The following NRG3 variants were observed in gnomAD, a reference collection of about 807,000 sequenced individuals.
The protein encoded by NRG3 is pro-neuregulin-3, membrane-bound isoform.
A neutral mutation model predicts 66.9 loss-of-function variants in NRG3; 31 were observed. The ratio of observed to expected loss-of-function variants is 0.46; its 90% CI spans 0.35 to 0.63. The LOEUF is 0.63. NRG3 is among the 20% of genes least tolerant of loss of function. The probability of loss-of-function intolerance (pLI) is 0.00; values close to 1 mark genes in which losing one functional copy is unlikely to be tolerated. For synonymous variants in NRG3, 393 were observed against 359.4 expected (o/e 1.09, Z -1.06); for missense variants, 910 against 878.9 (o/e 1.04, Z -0.45).
chr10:82,053,433 G>T (rs2063693218), intron 1 of NRG3, among the ~76,000 whole-genome samples: 1 of 152,158 alleles, frequency 6.6e-6, no homozygotes, highest in Non-Finnish European at 1.5e-5. Context: ...GAAGATAAGA[G>T]CAGAAAGAGA....
chr10:82,319,041 G>A (rs1412063249), intron 1 of NRG3, among the ~76,000 whole-genome samples: 2 of 152,186 alleles, frequency 1.3e-5, no homozygotes, highest in African/African-American at 2.4e-5. Flanking sequence ...GTGTATATTG[G>A]TGTGAGAACA....
intron 2 of NRG3, among the ~76,000 whole-genome samples, chr10:82,640,777 A>G (rs1310507788): frequency 6.6e-6 from 1 of 152,176 alleles, no homozygotes; most frequent in Non-Finnish European, 1.5e-5. Flanking sequence ...TAATTCATTA[A>G]GCTCTACTTC....
At chr10:82,722,543 T>G (rs1205467252) in intron 2 of NRG3, among the ~76,000 whole-genome samples, 4 of 152,140 alleles carry the variant, frequency 2.6e-5, no homozygotes, top group African/African-American at 9.7e-5. Flanking sequence ...GTGGTCATAA[T>G]GAAAAGCAAT....
chr10:82,052,673 C>G (rs1451739294), intron 1 of NRG3, among the ~76,000 whole-genome samples: 1 of 152,086 alleles, frequency 6.6e-6, no homozygotes, highest in Non-Finnish European at 1.5e-5. Context: ...TAACAAGAAA[C>G]TAATAGCGTG....
intron 4 of NRG3, among the ~76,000 whole-genome samples, chr10:82,892,212 C>T (rs1843215172): frequency 6.6e-6 from 1 of 151,506 alleles, no homozygotes; most frequent in Non-Finnish European, 1.5e-5. Context: ...CTTATTTTAC[C>T]ATGAGGAAAT....
intron 2 of NRG3, among the ~76,000 whole-genome samples, chr10:82,715,064 A>T (rs540249376): frequency 2.0e-5 from 3 of 152,100 alleles, no homozygotes; most frequent in South Asian, 2.1e-4. Flanking sequence ...AATAGACTAA[A>T]TTTTTTTTAG....
At chr10:82,359,189 A>G (rs2083967158) in intron 2 of NRG3, among the ~76,000 whole-genome samples, 1 of 152,224 alleles carries the variant, frequency 6.6e-6, no homozygotes, top group African/African-American at 2.4e-5. Context: ...GAGCTTAGGC[A>G]TATATCCTAG....
chr10:82,411,640 C>G (rs2088099666), intron 2 of NRG3, among the ~76,000 whole-genome samples: 1 of 152,132 alleles, frequency 6.6e-6, no homozygotes, highest in Non-Finnish European at 1.5e-5. Flanking sequence ...CTTAAGCTCT[C>G]AGACATTTGA....
intron 1 of NRG3, among the ~76,000 whole-genome samples, chr10:82,339,283 T>C (rs970820994): frequency 2.0e-5 from 3 of 152,184 alleles, no homozygotes; most frequent in Non-Finnish European, 4.4e-5. Context: ...CTCACACAGT[T>C]ATGAAGAAAT....
intron 1 of NRG3, among the ~76,000 whole-genome samples, chr10:81,976,645 A>C (rs181294266): frequency 6.6e-6 from 1 of 152,314 alleles, no homozygotes; most frequent in Admixed American, 6.5e-5. Flanking sequence ...AGTGCAGAAT[A>C]AAATAGAGCA....
At chr10:82,237,892 T>A (rs1258175815) in intron 1 of NRG3, among the ~76,000 whole-genome samples, 1 of 152,274 alleles carries the variant, frequency 6.6e-6, no homozygotes, top group Non-Finnish European at 1.5e-5. Flanking sequence ...ACATTTTAAT[T>A]GTCAAAGAGC....
intron 4 of NRG3, among the ~76,000 whole-genome samples, chr10:82,899,819 G>A (rs1371818584): frequency 6.6e-6 from 1 of 152,152 alleles, no homozygotes; most frequent in African/African-American, 2.4e-5. Context: ...TAATAGGCAG[G>A]TCTGCTCTAA....
intron 2 of NRG3, among the ~76,000 whole-genome samples, chr10:82,565,523 T>C (rs2045343197): frequency 6.6e-6 from 1 of 152,060 alleles, no homozygotes; most frequent in African/African-American, 2.4e-5. Flanking sequence ...ACAGACAGAT[T>C]TTGATAGATA....
At chr10:81,942,248 C>T (rs376007526) in intron 1 of NRG3, among the ~76,000 whole-genome samples, 23 of 152,074 alleles carry the variant, frequency 1.5e-4, no homozygotes, top group African/African-American at 5.1e-4. Flanking sequence ...AATGCGACTG[C>T]GTTTTAGTGC....
chr10:82,289,440 C>T (rs1053013911), intron 1 of NRG3, among the ~76,000 whole-genome samples: 15 of 149,204 alleles, frequency 1.0e-4, no homozygotes, highest in African/African-American at 3.6e-4. Context: ...AGTATATAAA[C>T]AAGAATTCAA....
intron 1 of NRG3, among the ~76,000 whole-genome samples, chr10:82,044,901 A>AT (rs1322005891): frequency 1.3e-5 from 2 of 151,694 alleles, no homozygotes; most frequent in African/African-American, 2.4e-5. Flanking sequence ...TGAACTCATC[A>AT]TTTTTTATGG....
chr10:82,838,298 A>G (rs2062879212), intron 3 of NRG3, among the ~76,000 whole-genome samples: 1 of 152,134 alleles, frequency 6.6e-6, no homozygotes, highest in Non-Finnish European at 1.5e-5. Context: ...AGAAAATATT[A>G]TCAATATATA....
At chr10:82,077,311 G>C (rs1452447106) in intron 1 of NRG3, among the ~76,000 whole-genome samples, 1 of 152,062 alleles carries the variant, frequency 6.6e-6, no homozygotes, top group Non-Finnish European at 1.5e-5. Flanking sequence ...TTATATCTTT[G>C]AATTAAGTTA....
At chr10:82,694,160 G>A (rs370096256) in intron 2 of NRG3, among the ~76,000 whole-genome samples, 22 of 151,878 alleles carry the variant, frequency 1.4e-4, no homozygotes, top group African/African-American at 5.3e-4. Context: ...GACACAGAGC[G>A]CTGGTTGGTG....
Sources: allele counts gnomAD v4.1 joint callset (sites outside exome capture counted in the v4.1 genomes callset), GRCh38; gene constraint gnomAD v4.1.1; transcripts MANE v1.5; gene names NCBI Gene and HGNC (gene_info 2026-07-23, HGNC 2026-07-21).